PPP2R5E: variants seen among roughly 807,000 people sequenced by gnomAD.
PPP2R5E encodes the protein serine/threonine-protein phosphatase 2A 56 kDa regulatory subunit epsilon isoform.
A neutral mutation model predicts 65.3 loss-of-function variants in PPP2R5E; 4 were observed. The ratio of observed to expected loss-of-function variants is 0.06; its 90% CI spans 0.03 to 0.14. The LOEUF (loss-of-function observed/expected upper bound fraction) is 0.14, where lower values mean the gene tolerates loss of function less well. Ranked by LOEUF, PPP2R5E falls within the 10% of genes least tolerant of loss-of-function variation. The probability of loss-of-function intolerance (pLI) is 1.00; values close to 1 mark genes in which losing one functional copy is unlikely to be tolerated. For missense variants in PPP2R5E, 274 were observed against 556.1 expected, an observed-to-expected ratio of 0.49 and a Z score of 5.10; for synonymous variants, 183 against 187.4, an observed-to-expected ratio of 0.98 and a Z score of 0.19.
At chr14:63,443,431 G>A (rs1888333203) in intron 3 of PPP2R5E, among the ~76,000 whole-genome samples, 1 of 152,144 alleles carries the variant, frequency 6.6e-6, no homozygotes, top group Non-Finnish European at 1.5e-5. Flanking sequence ...TTTTGTAGGA[G>A]AGAAGTGACA....
At chr14:63,433,038 T>TTTG (rs1555359930) in intron 3 of PPP2R5E, among the ~76,000 whole-genome samples, 3 of 139,602 alleles carry the variant, frequency 2.1e-5, no homozygotes, top group Non-Finnish European at 3.1e-5. Flanking sequence ...TTTTGTTTTT[T>TTTG]TTTTTTTTTT....
At chr14:63,538,415 C>T (rs1026302223) in intron 2 of PPP2R5E, among the ~76,000 whole-genome samples, 3 of 151,666 alleles carry the variant, frequency 2.0e-5, no homozygotes, top group Admixed American at 6.6e-5. Flanking sequence ...GCCACCACCG[C>T]GCCTAATTTT....
At chr14:63,516,172 A>G (rs1892664386) in intron 2 of PPP2R5E, among the ~76,000 whole-genome samples, 1 of 152,178 alleles carries the variant, frequency 6.6e-6, no homozygotes, top group East Asian at 1.9e-4. Context: ...TATTTAAATT[A>G]CTTATGAAAG....
chr14:63,530,288 A>G (rs1214966992), intron 2 of PPP2R5E, among the ~76,000 whole-genome samples: 2 of 133,104 alleles, frequency 1.5e-5, no homozygotes, highest in African/African-American at 3.0e-5. Context: ...GCTCAAGTGC[A>G]ATGGTGTGAT....
intron 2 of PPP2R5E, among the ~76,000 whole-genome samples, chr14:63,531,191 A>G (rs1893419890): frequency 1.3e-5 from 2 of 152,176 alleles, no homozygotes; most frequent in Admixed American, 1.3e-4. Context: ...GAAAGAAAAA[A>G]ATAACATATG....
At position 63,374,644 on chromosome 14, in the gene PPP2R5E, T is replaced by G. The variant is rs1203944811; in HGVS notation, c.*1365A>C. On this transcript the variant is annotated 3_prime_UTR_variant, in exon 14 of 14. Coordinates refer to ENST00000337537, the MANE Select transcript of PPP2R5E (RefSeq NM_006246.5). The stretch of plus-strand genomic sequence containing the variant: ...GCAGAGAGCCAATAAGATATATATA[T>G]ATATATATATATATATATATATATA... 2.9e-5 allele frequency: 3 copies of G among 104,304 alleles called. No homozygotes were observed. The highest frequency in any genetic ancestry group is 5.4e-5 in the Non-Finnish European group (3 of 55,650). The allele number at this position is 104,304 out of a possible 1,614,324, so 6.5% of individuals were successfully genotyped here. A position where few individuals can be genotyped will look rare whatever the true frequency, so the allele number is the denominator to read the frequency against.
intron 11 of PPP2R5E, among the ~76,000 whole-genome samples, chr14:63,385,581 C>T (rs1320911453): frequency 6.6e-6 from 1 of 152,106 alleles, no homozygotes; most frequent in Non-Finnish European, 1.5e-5. Context: ...CCCACAGTTG[C>T]TCATCCCTGT....
chr14:63,410,469 G>A (rs779792288), intron 5 of PPP2R5E, among the ~76,000 whole-genome samples: 1 of 152,168 alleles, frequency 6.6e-6, no homozygotes, highest in Non-Finnish European at 1.5e-5. Context: ...CAGTGGGAAA[G>A]AGGAGGAGGA....
intron 1 of PPP2R5E, among the ~76,000 whole-genome samples, chr14:63,541,414 G>C (rs947179764): frequency 1.3e-5 from 2 of 152,144 alleles, no homozygotes; most frequent in Non-Finnish European, 2.9e-5. Context: ...CAAACTTACG[G>C]AACTGAATAG....
At chr14:63,538,966 A>G (rs1394395138) in intron 2 of PPP2R5E, among the ~76,000 whole-genome samples, 1 of 152,148 alleles carries the variant, frequency 6.6e-6, no homozygotes, top group Non-Finnish European at 1.5e-5. Flanking sequence ...AATTTCAAAG[A>G]AAAGATCATA....
intron 2 of PPP2R5E, chr14:63,508,279 T>C (rs1892307411): frequency 1.1e-6 from 1 of 900,330 alleles, no homozygotes; most frequent in Non-Finnish European, 1.3e-6. Context: ...ACCCCAATGC[T>C]ATGGCAACCC....
chr14:63,535,489 CA>C (rs1893632246), intron 2 of PPP2R5E, among the ~76,000 whole-genome samples: 1 of 151,772 alleles, frequency 6.6e-6, no homozygotes, highest in South Asian at 2.1e-4. Flanking sequence ...TGCAAGTGAA[CA>C]GACTTTAAAA....
intron 10 of PPP2R5E, among the ~76,000 whole-genome samples, chr14:63,390,340 G>T (rs1241086544): frequency 7.1e-6 from 1 of 140,612 alleles, no homozygotes; most frequent in African/African-American, 3.0e-5. Flanking sequence ...ACACACGCTT[G>T]CTCTCTACAA....
chr14:63,377,488 T>A (rs562609849), intron 13 of PPP2R5E, among the ~76,000 whole-genome samples: 2 of 152,326 alleles, frequency 1.3e-5, no homozygotes, highest in East Asian at 3.9e-4. Flanking sequence ...TAAGTAATTT[T>A]ATATTCTTAT....
chr14:63,395,368 A>T, intron 6 of PPP2R5E, 83 bp from the exon 7 acceptor site: 1 of 632,636 alleles, frequency 1.6e-6, no homozygotes, highest in Non-Finnish European at 2.5e-6. Flanking sequence ...GGAGGAGGAG[A>T]AGGGGGAGGA....
chr14:63,509,222 C>T (rs955213819), intron 2 of PPP2R5E, among the ~76,000 whole-genome samples: 4 of 150,152 alleles, frequency 2.7e-5, no homozygotes, highest in South Asian at 2.1e-4. Flanking sequence ...CTATGACATG[C>T]GCTATAATTT....
chr14:63,474,834 G>A (rs4391977), intron 2 of PPP2R5E, among the ~76,000 whole-genome samples: 42,324 of 151,912 alleles, frequency 0.28, 7,203 homozygotes, highest in African/African-American at 0.48. Flanking sequence ...ACTCACCTAC[G>A]GCAAGAGTGC....
At chr14:63,430,377 G>GCATACATACATACATA (rs60123490) in intron 3 of PPP2R5E, among the ~76,000 whole-genome samples, 41 of 137,024 alleles carry the variant, frequency 3.0e-4, no homozygotes, top group African/African-American at 1.3e-3. Context: ...ATACATGCAT[G>GCATACATACATACATA]CATACATACA....
chr14:63,528,043 A>G (rs187028718), intron 2 of PPP2R5E, among the ~76,000 whole-genome samples: 36 of 152,204 alleles, frequency 2.4e-4, no homozygotes, highest in African/African-American at 8.4e-4. Context: ...CTACTGTAAC[A>G]TAAAAATAAG....
Sources: allele counts gnomAD v4.1 joint callset (sites outside exome capture counted in the v4.1 genomes callset), GRCh38; gene constraint gnomAD v4.1.1; transcripts MANE v1.5; gene names NCBI Gene and HGNC (gene_info 2026-07-23, HGNC 2026-07-21).